The following UGT2B11 variants were observed in gnomAD, a reference collection of about 807,000 sequenced individuals.
The protein encoded by UGT2B11 is UDP glucuronosyltransferase family 2 member B11.
UGT2B11 carries 49 observed loss-of-function variants against 51.7 expected under a neutral mutation model. That is an observed-to-expected ratio of 0.95 (90% CI 0.75 to 1.20). The LOEUF (loss-of-function observed/expected upper bound fraction) is 1.20. UGT2B11 is among the 50% of genes most tolerant of loss of function. The probability of loss-of-function intolerance (pLI) is 0.00; values close to 1 mark genes in which losing one functional copy is unlikely to be tolerated. For synonymous variants in UGT2B11, 273 were observed against 209.0 expected (o/e 1.31, Z -2.64); for missense variants, 810 against 622.1 (o/e 1.30, Z -3.21).
intron 1 of UGT2B11, among the ~76,000 whole-genome samples, chr4:69,213,703 G>T (rs796066396): frequency 6.6e-6 from 1 of 151,792 alleles, no homozygotes; most frequent in South Asian, 2.1e-4. Context: ...CTGTTTTTAA[G>T]ATCTAAAACA....
At position 69,214,273 on chromosome 4, in the gene UGT2B11, T is replaced by G; in HGVS notation, c.450A>C (p.Ala150=). 6.2e-7 allele frequency: 1 copy of G among 1,613,314 alleles called. No individual in the cohort carries two copies. Among genetic ancestry groups the G allele is most frequent in the Non-Finnish European group, 8.5e-7 (1 of 1,179,516 alleles). The stretch of plus-strand genomic sequence containing the variant: ...GCTCACCACAGGGAAAAACAGCATC[T>G]GCAAAAACGATGTCAAATCTTGACT... ...LQESRFDIVF[A]DAVFPCGELL... The change falls in exon 1 of 6, where the codon GCA becomes GCC. Residue 150 remains alanine, a synonymous_variant. Transcript: ENST00000446444.
chr4:69,207,875 T>G (rs910184985), intron 3 of UGT2B11, among the ~76,000 whole-genome samples: 5 of 151,636 alleles, frequency 3.3e-5, no homozygotes, highest in African/African-American at 1.2e-4. Context: ...CAAAACAGCT[T>G]TGAAGAAAAT....
At chr4:69,219,416 T>A (rs1722356030), upstream of UGT2B11, among the ~76,000 whole-genome samples, 1 of 152,172 alleles carries the variant, frequency 6.6e-6, no homozygotes, top group African/African-American at 2.4e-5. Flanking sequence ...CTGTTGATAG[T>A]TACTTTTGTT....
the UGT2B11 span, among the ~76,000 whole-genome samples, chr4:69,221,265 A>G: frequency 6.6e-6 from 1 of 152,208 alleles, no homozygotes; most frequent in Non-Finnish European, 1.5e-5. Flanking sequence ...TGGTTTTTGT[A>G]TTCCTAGAAT....
At chr4:69,204,142 T>C (rs1241858399) in intron 5 of UGT2B11, among the ~76,000 whole-genome samples, 1 of 150,378 alleles carries the variant, frequency 6.6e-6, no homozygotes, top group Non-Finnish European at 1.5e-5. Flanking sequence ...CTTTCTTCTA[T>C]GGATTCATGT....
intron 2 of UGT2B11, 131 bp downstream of exon 2, chr4:69,212,442 A>C: frequency 1.4e-6 from 2 of 1,456,602 alleles, no homozygotes; most frequent in Non-Finnish European, 1.8e-6. Flanking sequence ...GTTTCTAATT[A>C]GTATCTGCTT....
chr4:69,204,378 C>T (rs990715916), intron 5 of UGT2B11, 52 bp downstream of exon 5: 7 of 1,604,918 alleles, frequency 4.4e-6, no homozygotes, highest in South Asian at 1.1e-5. Context: ...TCACTATTGA[C>T]AAGAGAAGCT....
the UGT2B11 span, among the ~76,000 whole-genome samples, chr4:69,221,236 C>T: frequency 2.6e-5 from 4 of 152,216 alleles, no homozygotes; most frequent in African/African-American, 9.6e-5. Flanking sequence ...AGGTCTTGCA[C>T]TAGTCTCCAC....
At chr4:69,224,713 C>A in the UGT2B11 span, among the ~76,000 whole-genome samples, 1 of 151,106 alleles carries the variant, frequency 6.6e-6, no homozygotes, top group Non-Finnish European at 1.5e-5. Flanking sequence ...TGGCAGCAGC[C>A]CTTGGTGAGG....
Position 69,200,312 on chromosome 4 carries a change from ATTTTTTT to A in UGT2B11, c.*121_*127del, listed in dbSNP as rs11340393. 3.6e-3 allele frequency: 2,923 copies of A among 818,590 alleles called. 25 individuals are homozygous for A. The African/African-American group carries it at 0.044, about 12-fold the overall frequency. 50.7% of individuals were successfully genotyped at this position (818,590 alleles called of 1,614,324 possible). A position where few individuals can be genotyped will look rare whatever the true frequency, so the allele number is the denominator to read the frequency against. On this transcript the variant is annotated 3_prime_UTR_variant, in exon 6 of 6. Transcript: ENST00000446444. ...TTTACTTGACAAGGTAGATTTGAAA[ATTTTTTT>A]TTTTTTTTTTTTTTTGTCACAGGAA...
Position 69,200,546 on chromosome 4 carries a change from C to A in UGT2B11, c.1484G>T (p.Gly495Val), listed in dbSNP as rs1560534875. 3 of 1,612,288 alleles carry A rather than the reference C, an allele frequency of 1.9e-6. No individual in the cohort carries two copies. The highest frequency in any genetic ancestry group is 2.5e-6 in the Non-Finnish European group (3 of 1,178,954). The change falls in exon 6 of 6, where the codon GGG becomes GTG. Residue 495 changes from glycine (G) to valine (V), a missense_variant. Coordinates refer to ENST00000446444, the MANE Select transcript of UGT2B11 (RefSeq NM_001073.3). ...WFQYHSLDVI[G>V]FLLACVATVI... Reference sequence around the variant, plus strand: ...AGTTGCCACACAGGCCAGCAGAAACCCAATCACATCCAAAGAGTGGTACTG... The same window carrying A: ...AGTTGCCACACAGGCCAGCAGAAACACAATCACATCCAAAGAGTGGTACTG...
In UGT2B11 at chr4:69,210,528, A is replaced by G. The variant is rs1560539592; in HGVS notation, c.870+2045T>C. On this transcript the variant is annotated intron_variant, in intron 2 of 5. Coordinates refer to ENST00000446444, the MANE Select transcript of UGT2B11 (RefSeq NM_001073.3). ...TGACTTGCATTCAAAGCTTTCTGCAAGTTAATAACAAGACCTAGTATTAGT... is the reference window on the plus strand; with the variant it reads ...TGACTTGCATTCAAAGCTTTCTGCAGGTTAATAACAAGACCTAGTATTAGT... Among the ~76,000 whole-genome samples, 3 of 151,756 alleles carry G rather than the reference A, an allele frequency of 2.0e-5. No individual in the cohort carries two copies. In the South Asian group the frequency reaches 6.2e-4, roughly 31 times the overall value.
chr4:69,205,709 C>T, intron 3 of UGT2B11, 142 bp from the exon 4 acceptor site: 2 of 951,856 alleles, frequency 2.1e-6, no homozygotes, highest in Non-Finnish European at 3.0e-6. Flanking sequence ...AGAATACTCA[C>T]ATTTTATTTT....
At chr4:69,200,966 GA>G (rs1445714821) in intron 5 of UGT2B11, among the ~76,000 whole-genome samples, 38 of 151,628 alleles carry the variant, frequency 2.5e-4, no homozygotes, top group Non-Finnish European at 4.4e-5. Flanking sequence ...TTTTCAAGCA[GA>G]GAAAATATAA....
At chr4:69,223,400 C>G in the UGT2B11 span, among the ~76,000 whole-genome samples, 5 of 152,186 alleles carry the variant, frequency 3.3e-5, no homozygotes, top group Non-Finnish European at 7.3e-5. Context: ...CTCATGGCCA[C>G]TTTTCCTGAG....
At chr4:69,206,355 T>C (rs1429106946) in intron 3 of UGT2B11, among the ~76,000 whole-genome samples, 3 of 151,672 alleles carry the variant, frequency 2.0e-5, no homozygotes, top group African/African-American at 7.3e-5. Context: ...CCGTTAGCCT[T>C]AGGAAACTAA....
chr4:69,220,453 G>A, the UGT2B11 span, among the ~76,000 whole-genome samples: 1 of 46,818 alleles, frequency 2.1e-5, no homozygotes, highest in Admixed American at 2.2e-4. Context: ...GTGTGGGTGT[G>A]TTGGGGGTGG....
intron 3 of UGT2B11, 151 bp from the exon 4 acceptor site, chr4:69,205,718 T>G: frequency 2.2e-6 from 2 of 902,098 alleles, no homozygotes; most frequent in Non-Finnish European, 3.2e-6. Flanking sequence ...ACATTTTATT[T>G]TCTTAACTTT....
At chr4:69,206,264 C>G (rs183825822) in intron 3 of UGT2B11, among the ~76,000 whole-genome samples, 1 of 150,946 alleles carries the variant, frequency 6.6e-6, no homozygotes, top group Non-Finnish European at 1.5e-5. Flanking sequence ...GAAAATATGG[C>G]ATATATACAC....
Sources: gnomAD v4.1 joint callset for allele counts (sites outside exome capture counted in the v4.1 genomes callset) on GRCh38, gnomAD v4.1.1 for gene constraint, MANE v1.5 for transcripts, NCBI Gene and HGNC (gene_info 2026-07-23, HGNC 2026-07-21) for gene names.